The following SYNE2 variants were observed in gnomAD, a reference collection of about 807,000 sequenced individuals.
The protein encoded by SYNE2 is nesprin-2.
Under a neutral mutation model 856.3 loss-of-function variants are expected in SYNE2, and 431 were observed. The ratio of observed to expected loss-of-function variants is 0.50; its 90% confidence interval spans 0.47 to 0.55. The LOEUF (loss-of-function observed/expected upper bound fraction) is 0.55, where lower values mean the gene tolerates loss of function less well. Ranked by LOEUF, SYNE2 falls within the 20% of genes least tolerant of loss-of-function variation. The pLI is 0.00. For synonymous variants in SYNE2, 2,923 were observed against 2,872.3 expected, an observed-to-expected ratio of 1.02 and a Z score of -0.56; for missense variants, 8,129 against 8,023.2, an observed-to-expected ratio of 1.01 and a Z score of -0.50.
At chr14:64,003,785 G>A (rs1243016184) in intron 30 of SYNE2, among the ~76,000 whole-genome samples, 1 of 152,116 alleles carries the variant, frequency 6.6e-6, no homozygotes, top group East Asian at 1.9e-4. Context: ...CAGGATTAGG[G>A]TAGGAACTGA....
chr14:63,887,319 T>C (rs972513120), intron 1 of SYNE2, among the ~76,000 whole-genome samples: 1 of 152,158 alleles, frequency 6.6e-6, no homozygotes, highest in South Asian at 2.1e-4. Context: ...CCTAAATGTA[T>C]GGAAATAATA....
rs2097031317 is a variant in SYNE2, at chr14:64,031,167, A to T, written c.7031A>T (p.Asn2344Ile). 6.2e-7 allele frequency: 1 copy of T among 1,614,118 alleles called. No homozygotes were observed. The highest frequency in any genetic ancestry group is 8.5e-7 in the Non-Finnish European group (1 of 1,180,044). ...SLQCKQKDLENRLASAKQEME... is the reference protein window; with the variant it reads ...SLQCKQKDLEIRLASAKQEME... ...CAGTGTAAACAAAAAGATTTGGAAA[A>T]CAGGCTTGCATCTGCTAAGCAGGAG... Residue 2344 changes from asparagine (N) to isoleucine (I), a missense_variant, in exon 45 of 116, where the codon AAC becomes ATC. This residue lies in a region of SYNE2 where 297 missense variants were observed against 380.9 expected (regional missense o/e 0.78). Transcript: ENST00000555002.
intron 49 of SYNE2, among the ~76,000 whole-genome samples, chr14:64,057,188 C>T (rs142129678): frequency 6.6e-6 from 1 of 152,008 alleles, no homozygotes; most frequent in African/African-American, 2.4e-5. Context: ...TGAACGTAGT[C>T]ACTCTGTGGT....
chr14:63,921,330 A>G (rs1189427275), intron 2 of SYNE2, among the ~76,000 whole-genome samples: 1 of 152,176 alleles, frequency 6.6e-6, no homozygotes, highest in African/African-American at 2.4e-5. Flanking sequence ...TATAGGAGAG[A>G]TGACAACTGG....
rs1379407865 is a variant in SYNE2, at chr14:63,976,586, A to G, written c.1152A>G (p.Leu384=). The G allele has an allele frequency of 6.8e-6, 11 of 1,608,960 alleles. No individual in the cohort carries two copies. The highest frequency in any genetic ancestry group is 4.2e-6 in the Non-Finnish European group (5 of 1,178,656). Residue 384 remains leucine (L), a synonymous_variant, in exon 12 of 116, where the codon CTA becomes CTG. Transcript: ENST00000555002. Reference sequence around the variant, plus strand: ...AGATTAATGCATGGAAAATAAAGCTAAATTATGCCTTGCCCCCACCCCTCC... The same window carrying G: ...AGATTAATGCATGGAAAATAAAGCTGAATTATGCCTTGCCCCCACCCCTCC... ...DHQINAWKIK[L]NYALPPPLHQ...
At chr14:64,026,893 A>G (rs1471757358) in intron 42 of SYNE2, among the ~76,000 whole-genome samples, 163 bp downstream of exon 42, 1 of 152,244 alleles carries the variant, frequency 6.6e-6, no homozygotes, top group African/African-American at 2.4e-5. Flanking sequence ...CCAAAACCAG[A>G]TAACCTCATT....
intron 2 of SYNE2, among the ~76,000 whole-genome samples, chr14:63,919,557 G>A (rs190369055): frequency 2.6e-5 from 4 of 152,274 alleles, no homozygotes; most frequent in Non-Finnish European, 5.9e-5. Context: ...CCTTTGGAGC[G>A]TGTAGCAAGA....
At position 64,113,777 on chromosome 14, in the gene SYNE2, C is replaced by G. The variant is rs563262306; in HGVS notation, c.12840+206C>G. Among the ~76,000 whole-genome samples, 5 of 152,300 alleles carry G rather than the reference C, an allele frequency of 3.3e-5. No homozygotes were observed. In the East Asian group the frequency reaches 9.6e-4, roughly 29 times the overall value. On this transcript the variant is annotated intron_variant, in intron 66 of 115. Coordinates refer to ENST00000555002, the MANE Select transcript of SYNE2 (RefSeq NM_182914.3). ...TTGAGGGGACAGTAGTGTTCAGAAT[C>G]TAGGAGTCTAAATCCAGCTCTGTCA...
At chr14:63,996,338 C>G (rs2096713757) in intron 23 of SYNE2, among the ~76,000 whole-genome samples, 1 of 152,172 alleles carries the variant, frequency 6.6e-6, no homozygotes, top group Non-Finnish European at 1.5e-5. Flanking sequence ...GTTGCTTCAT[C>G]TCATCTTCCG....
intron 1 of SYNE2, among the ~76,000 whole-genome samples, chr14:63,828,558 G>A (rs1311513511): frequency 2.6e-5 from 4 of 152,162 alleles, no homozygotes; most frequent in Non-Finnish European, 5.9e-5. Flanking sequence ...AGGATTACTT[G>A]AGCCCAGGAG....
At position 63,996,973 on chromosome 14, in the gene SYNE2, G is replaced by A. The variant is rs1166230456; in HGVS notation, c.2967G>A (p.Leu989=). The A allele has an allele frequency of 1.2e-6, 2 of 1,614,108 alleles. No individual in the cohort carries two copies. Among genetic ancestry groups the A allele is most frequent in the Non-Finnish European group, 1.7e-6 (2 of 1,180,006 alleles). The change falls in exon 24 of 116, where the codon CTG becomes CTA. Residue 989 remains leucine, a synonymous_variant. Transcript: ENST00000555002. ...CCTGCTTTTCTGAGGAAGGCTGCCTGTACCAGCTTAATCACCACATGGAAG... is the reference window on the plus strand; with the variant it reads ...CCTGCTTTTCTGAGGAAGGCTGCCTATACCAGCTTAATCACCACATGGAAG... ...HEACFSEEGC[L]YQLNHHMEVL... is the part of the protein sequence containing the mutation.
intron 1 of SYNE2, among the ~76,000 whole-genome samples, chr14:63,898,487 C>G: frequency 6.6e-6 from 1 of 152,154 alleles, no homozygotes; most frequent in East Asian, 1.9e-4. Flanking sequence ...CCACTGCAGT[C>G]TCTGCCTCCC....
chr14:63,837,429 A>G (rs2139915639), intron 1 of SYNE2, among the ~76,000 whole-genome samples: 1 of 152,302 alleles, frequency 6.6e-6, no homozygotes, highest in East Asian at 1.9e-4. Flanking sequence ...GCAACAAAAG[A>G]AAAAAATAGA....
chr14:64,134,850 G>A (rs1275329582), intron 78 of SYNE2, among the ~76,000 whole-genome samples: 1 of 152,040 alleles, frequency 6.6e-6, no homozygotes, highest in African/African-American at 2.4e-5. Flanking sequence ...AGCTGGGCAT[G>A]GCGGCATGTG....
Position 63,842,187 on chromosome 14 carries a change from T to C in SYNE2, c.-304-10314T>C, listed in dbSNP as rs576584227. On this transcript the variant is annotated intron_variant, in intron 1 of 23. Transcript: ENST00000674003. ...GTTTGTTTGTTTGTTGTTGTTGTCG[T>C]TTTGAGACAGAGTCTCACTCTGTCA... is the stretch of plus-strand genomic sequence containing the variant. Among the ~76,000 whole-genome samples the C allele has an allele frequency of 1.5e-4, 23 of 152,042 alleles. 1 individual carries two copies. The highest frequency in any genetic ancestry group is 3.1e-4 in the Non-Finnish European group (21 of 67,972).
chr14:63,885,662 C>G (rs1290863343), intron 1 of SYNE2, among the ~76,000 whole-genome samples: 1 of 152,124 alleles, frequency 6.6e-6, no homozygotes. Context: ...ACTGCAGTGG[C>G]GTGATCATAG....
At chr14:63,996,471 C>T (rs1388936564) in intron 23 of SYNE2, among the ~76,000 whole-genome samples, 2 of 152,122 alleles carry the variant, frequency 1.3e-5, no homozygotes, top group Non-Finnish European at 2.9e-5. Flanking sequence ...TCCAGGAAAC[C>T]CCTTTAGCAT....
chr14:63,954,648 T>C, intron 7 of SYNE2, 71 bp from the exon 8 acceptor site: 1 of 1,380,616 alleles, frequency 7.2e-7, no homozygotes, highest in African/African-American at 1.4e-5. Flanking sequence ...TTAATTACTA[T>C]TGAATATAGT....
chr14:63,816,312 G>C (rs1009989988), intron 1 of SYNE2, among the ~76,000 whole-genome samples: 4 of 152,100 alleles, frequency 2.6e-5, no homozygotes, highest in African/African-American at 9.7e-5. Flanking sequence ...CATTCAAATG[G>C]ACAGAGTCAT....
Sources: gnomAD v4.1 joint callset for allele counts (sites outside exome capture counted in the v4.1 genomes callset) on GRCh38, gnomAD v4.1.1 for gene constraint, gnomAD v4.1.1 regional missense constraint, MANE v1.5 for transcripts, NCBI Gene and HGNC (gene_info 2026-07-23, HGNC 2026-07-21) for gene names.